NR3C2: variants seen among roughly 807,000 people sequenced by gnomAD.
The protein encoded by NR3C2 is mineralocorticoid receptor.
In NR3C2, 15 loss-of-function variants were observed where a neutral mutation model predicts 86.4. The observed-to-expected ratio is 0.17, with a 90% CI of 0.12 to 0.27. NR3C2 has a LOEUF of 0.27. Ranked by LOEUF, NR3C2 falls within the 10% of genes least tolerant of loss-of-function variation. The pLI, the probability that NR3C2 is intolerant of heterozygous loss-of-function variation, is 1.00. For synonymous variants in NR3C2, 458 were observed against 450.5 expected (o/e 1.02, Z -0.21); for missense variants, 960 against 1,195.6 (o/e 0.80, Z 2.91).
intron 2 of NR3C2, among the ~76,000 whole-genome samples, chr4:148,394,945 A>G (rs1449866145): frequency 6.6e-6 from 1 of 152,146 alleles, no homozygotes; most frequent in Non-Finnish European, 1.5e-5. Context: ...AAGATCAACT[A>G]AAGACGAAAT....
intron 3 of NR3C2, chr4:148,208,445 T>C (rs1022246917): frequency 2.0e-5 from 3 of 152,290 alleles, no homozygotes; most frequent in South Asian, 4.1e-4. Context: ...TTTCTGTTAA[T>C]AGGTTTTGTG....
intron 2 of NR3C2, among the ~76,000 whole-genome samples, chr4:148,352,455 C>T (rs1745338602): frequency 6.6e-6 from 1 of 151,798 alleles, no homozygotes; most frequent in Non-Finnish European, 1.5e-5. Flanking sequence ...CAAAATGATG[C>T]TTGGCATCTT....
At chr4:148,129,331 C>T (rs964676135) in intron 6 of NR3C2, among the ~76,000 whole-genome samples, 3 of 152,126 alleles carry the variant, frequency 2.0e-5, no homozygotes, top group Non-Finnish European at 4.4e-5. Context: ...CTCATAGAAA[C>T]AGTAAGTAAA....
intron 2 of NR3C2, among the ~76,000 whole-genome samples, chr4:148,396,815 A>G (rs1038713290): frequency 1.3e-5 from 2 of 152,200 alleles, no homozygotes; most frequent in Non-Finnish European, 2.9e-5. Context: ...TTATTTCATT[A>G]ACTTACTAAA....
chr4:148,325,155 A>AGTGTGT (rs57080333), intron 2 of NR3C2, among the ~76,000 whole-genome samples: 23,479 of 151,316 alleles, frequency 0.16, 2,057 homozygotes, highest in South Asian at 0.27. Flanking sequence ...AGAGAGACAG[A>AGTGTGT]GTGTGTGTGT....
intron 2 of NR3C2, among the ~76,000 whole-genome samples, chr4:148,432,343 A>G (rs1220798991): frequency 2.0e-5 from 3 of 152,160 alleles, no homozygotes; most frequent in African/African-American, 7.2e-5. Context: ...TGAATCTTTG[A>G]TACTATACTG....
At chr4:148,279,200 T>A (rs1741114642) in intron 2 of NR3C2, among the ~76,000 whole-genome samples, 1 of 152,098 alleles carries the variant, frequency 6.6e-6, no homozygotes, top group Non-Finnish European at 1.5e-5. Flanking sequence ...TTGAAACTAG[T>A]CTTGAATTTT....
At chr4:148,131,377 T>C (rs371520443) in intron 6 of NR3C2, among the ~76,000 whole-genome samples, 1 of 152,336 alleles carries the variant, frequency 6.6e-6, no homozygotes, top group East Asian at 1.9e-4. Context: ...GTATAACAGA[T>C]GGTCCATGTC....
chr4:148,272,781 A>C (rs1207886858), intron 2 of NR3C2, among the ~76,000 whole-genome samples: 1 of 152,180 alleles, frequency 6.6e-6, no homozygotes, highest in African/African-American at 2.4e-5. Flanking sequence ...AAGATGAAAA[A>C]GGTTTTGAAA....
intron 2 of NR3C2, among the ~76,000 whole-genome samples, chr4:148,391,277 TCTCA>T (rs1747533952): frequency 6.6e-6 from 1 of 152,232 alleles, no homozygotes; most frequent in African/African-American, 2.4e-5. Flanking sequence ...CTGTTCTATT[TCTCA>T]CTGTGAGTCA....
intron 3 of NR3C2, among the ~76,000 whole-genome samples, chr4:148,235,334 A>G (rs1253190078): frequency 2.0e-5 from 3 of 151,242 alleles, no homozygotes; most frequent in Non-Finnish European, 3.0e-5. Flanking sequence ...ATCATTGAGT[A>G]GGACATGTCT....
intron 2 of NR3C2, among the ~76,000 whole-genome samples, chr4:148,356,975 AC>A (rs1745579100): frequency 1.3e-5 from 2 of 151,548 alleles, no homozygotes; most frequent in South Asian, 4.2e-4. Context: ...AAGACACAGT[AC>A]TACAGAGTCC....
intron 2 of NR3C2, among the ~76,000 whole-genome samples, chr4:148,342,941 A>G (rs944959059): frequency 2.6e-5 from 4 of 152,062 alleles, no homozygotes; most frequent in African/African-American, 9.6e-5. Flanking sequence ...ACTACTTCAG[A>G]TATAAAGTAA....
intron 6 of NR3C2, among the ~76,000 whole-genome samples, chr4:148,124,504 T>C (rs1281109638): frequency 1.3e-5 from 2 of 152,212 alleles, no homozygotes; most frequent in Non-Finnish European, 2.9e-5. Context: ...TTGGTAGCTT[T>C]AAAATTTTTT....
chr4:148,353,473 T>C (rs192489478), intron 2 of NR3C2, among the ~76,000 whole-genome samples: 9 of 152,214 alleles, frequency 5.9e-5, no homozygotes, highest in Middle Eastern at 6.8e-3. Flanking sequence ...ATACATTTTC[T>C]AGAATATATA....
At chr4:148,307,039 A>G (rs1452663267) in intron 2 of NR3C2, among the ~76,000 whole-genome samples, 1 of 152,122 alleles carries the variant, frequency 6.6e-6, no homozygotes, top group South Asian at 2.1e-4. Context: ...TCGAACGTGA[A>G]TATTTTTGTG....
intron 8 of NR3C2, 92 bp downstream of exon 8, chr4:148,114,012 C>T: frequency 1.4e-6 from 2 of 1,470,448 alleles, no homozygotes; most frequent in South Asian, 2.4e-5. Context: ...AGCATGACAC[C>T]CTGAAAACTC....
intron 2 of NR3C2, among the ~76,000 whole-genome samples, chr4:148,280,507 T>C (rs1218558035): frequency 6.6e-6 from 1 of 152,050 alleles, no homozygotes; most frequent in Non-Finnish European, 1.5e-5. Context: ...AAATTAATTC[T>C]CTTACTTTTG....
chr4:148,097,430 G>A lies in NR3C2; in HGVS notation c.2800-15931C>T, dbSNP rs1220340403. 2.6e-5 allele frequency among the ~76,000 whole-genome samples: 4 copies of A among 152,308 alleles called. No individual in the cohort carries two copies. The East Asian group carries it at 7.7e-4, about 29-fold the overall frequency. Reference sequence around the variant, plus strand: ...ATACAGGGTTAGGTTCCCACAAGCTGCTGAGCTGCCCCTGTAGGGTTGACA... The same window carrying A: ...ATACAGGGTTAGGTTCCCACAAGCTACTGAGCTGCCCCTGTAGGGTTGACA... On this transcript the variant is annotated intron_variant, in intron 8 of 8. Coordinates refer to ENST00000358102, the MANE Select transcript of NR3C2 (RefSeq NM_000901.5).
Sources: allele counts gnomAD v4.1 joint callset (sites outside exome capture counted in the v4.1 genomes callset), GRCh38; gene constraint gnomAD v4.1.1; transcripts MANE v1.5; gene names NCBI Gene and HGNC (gene_info 2026-07-23, HGNC 2026-07-21).